Variants in GSK3B observed in about 807,000 individuals in gnomAD.
GSK3B encodes glycogen synthase kinase 3 beta.
A neutral mutation model predicts 56.4 loss-of-function variants in GSK3B; 15 were observed. The ratio of observed to expected loss-of-function variants is 0.27; its 90% confidence interval spans 0.18 to 0.41. GSK3B has a LOEUF of 0.41. Among genes scored for constraint, GSK3B ranks in the 10% least tolerant of loss-of-function variants. GSK3B has a pLI of 1.00. For missense variants in GSK3B, 300 were observed against 513.4 expected, an observed-to-expected ratio of 0.58 and a Z score of 4.02; for synonymous variants, 181 against 188.9, an observed-to-expected ratio of 0.96 and a Z score of 0.34.
chr3:120,083,587 A>T (rs1453156503), intron 1 of GSK3B, among the ~76,000 whole-genome samples: 1 of 152,248 alleles, frequency 6.6e-6, no homozygotes, highest in Admixed American at 6.5e-5. Context: ...TCACTTTGAA[A>T]CAGCTTAATA....
At chr3:119,925,365 G>C (rs1406194183) in intron 3 of GSK3B, among the ~76,000 whole-genome samples, 2 of 152,032 alleles carry the variant, frequency 1.3e-5, no homozygotes, top group African/African-American at 4.8e-5. Context: ...ACACTTTCCT[G>C]GTCCATTCAC....
intron 1 of GSK3B, among the ~76,000 whole-genome samples, chr3:120,028,588 G>C (rs185519810): frequency 2.2e-3 from 329 of 152,302 alleles, no homozygotes; most frequent in Non-Finnish European, 3.4e-3. Flanking sequence ...CCTCTTCTGT[G>C]ATCAGCAAAC....
chr3:119,892,972 T>C (rs2056520019), intron 7 of GSK3B, among the ~76,000 whole-genome samples: 1 of 152,092 alleles, frequency 6.6e-6, no homozygotes, highest in Non-Finnish European at 1.5e-5. Flanking sequence ...TGATATGAAA[T>C]GTCATCTCCT....
intron 2 of GSK3B, among the ~76,000 whole-genome samples, chr3:119,957,301 T>C (rs1027326047): frequency 3.4e-4 from 52 of 152,080 alleles, no homozygotes; most frequent in Non-Finnish European, 1.3e-4. Context: ...ATAGAAACAA[T>C]AAAAAGGACT....
intron 3 of GSK3B, among the ~76,000 whole-genome samples, chr3:119,930,080 TACACACACACACACACACACACAC>T (rs71619762): frequency 2.2e-5 from 3 of 133,562 alleles, no homozygotes; most frequent in African/African-American, 8.7e-5. Context: ...TTCTGTCTCC[TACACACACACACACACACACACAC>T]ACACACACAC....
chr3:120,004,528 A>C (rs1332080382), intron 1 of GSK3B, among the ~76,000 whole-genome samples: 2 of 152,086 alleles, frequency 1.3e-5, no homozygotes, highest in East Asian at 3.9e-4. Flanking sequence ...GCCAACAGAC[A>C]CCTCATACAG....
intron 2 of GSK3B, among the ~76,000 whole-genome samples, chr3:119,996,470 T>C (rs917631953): frequency 3.3e-5 from 5 of 152,354 alleles, no homozygotes; most frequent in Non-Finnish European, 7.3e-5. Flanking sequence ...CACATCCTTT[T>C]ATTTTCAGCC....
chr3:120,018,535 T>TA (rs1440713591), intron 1 of GSK3B, among the ~76,000 whole-genome samples: 2 of 152,210 alleles, frequency 1.3e-5, no homozygotes, highest in Admixed American at 6.5e-5. Flanking sequence ...TGTGTAGTAT[T>TA]AAAAACTATA....
At chr3:119,908,614 G>A (rs564427053) in intron 6 of GSK3B, among the ~76,000 whole-genome samples, 114 of 152,246 alleles carry the variant, frequency 7.5e-4, no homozygotes, top group African/African-American at 2.6e-3. Flanking sequence ...TATATGCCAT[G>A]TACCACAGCC....
At chr3:119,919,447 G>C (rs1325236268) in intron 4 of GSK3B, among the ~76,000 whole-genome samples, 3 of 151,318 alleles carry the variant, frequency 2.0e-5, no homozygotes, top group East Asian at 3.9e-4. Flanking sequence ...TCAGATAAAA[G>C]GGATCGATGT....
At chr3:120,006,114 C>G (rs1002740389) in intron 1 of GSK3B, among the ~76,000 whole-genome samples, 4 of 151,022 alleles carry the variant, frequency 2.6e-5, no homozygotes, top group Admixed American at 1.3e-4. Context: ...AAAAAAAAAT[C>G]CTGGTCTCTG....
intron 10 of GSK3B, among the ~76,000 whole-genome samples, chr3:119,839,650 G>A (rs1407665054): frequency 6.6e-6 from 1 of 152,146 alleles, no homozygotes; most frequent in African/African-American, 2.4e-5. Flanking sequence ...AGTGATGTAA[G>A]GTCATTTTTA....
chr3:120,012,730 C>T (rs2057789867), intron 1 of GSK3B, among the ~76,000 whole-genome samples: 1 of 152,116 alleles, frequency 6.6e-6, no homozygotes, highest in Non-Finnish European at 1.5e-5. Flanking sequence ...AGTGCAATGA[C>T]GTGATCATAG....
At chr3:119,971,971 T>G (rs2057372246) in intron 2 of GSK3B, among the ~76,000 whole-genome samples, 2 of 152,176 alleles carry the variant, frequency 1.3e-5, no homozygotes, top group African/African-American at 4.8e-5. Flanking sequence ...TTAAACTTAT[T>G]TTCTTAACTA....
intron 2 of GSK3B, among the ~76,000 whole-genome samples, chr3:119,972,112 C>A (rs961021545): frequency 2.0e-5 from 3 of 152,154 alleles, no homozygotes; most frequent in African/African-American, 7.2e-5. Context: ...ATGTTTAGTT[C>A]TCTTAGCAAT....
At chr3:119,997,010 A>C (rs1331689537) in intron 2 of GSK3B, among the ~76,000 whole-genome samples, 2 of 152,314 alleles carry the variant, frequency 1.3e-5, no homozygotes, top group South Asian at 4.1e-4. Context: ...AGGGAAAAAA[A>C]CCATAAACCC....
At chr3:119,924,069 A>G (rs1038440442) in intron 3 of GSK3B, among the ~76,000 whole-genome samples, 1 of 152,266 alleles carries the variant, frequency 6.6e-6, no homozygotes, top group African/African-American at 2.4e-5. Flanking sequence ...CTTGTCTTCT[A>G]TAATTAACTG....
At chr3:119,890,224 A>T (rs887380215) in intron 7 of GSK3B, among the ~76,000 whole-genome samples, 3 of 152,132 alleles carry the variant, frequency 2.0e-5, no homozygotes, top group African/African-American at 7.2e-5. Context: ...CCAAAACCCC[A>T]AAACAAGTCA....
intron 1 of GSK3B, among the ~76,000 whole-genome samples, chr3:120,045,581 A>G (rs2058096423): frequency 6.6e-6 from 1 of 152,204 alleles, no homozygotes; most frequent in African/African-American, 2.4e-5. Context: ...GGGGAGTGAC[A>G]CTGAGGTAGG....
Sources: gnomAD v4.1 joint callset for allele counts (sites outside exome capture counted in the v4.1 genomes callset) on GRCh38, gnomAD v4.1.1 for gene constraint, MANE v1.5 for transcripts, NCBI Gene and HGNC (gene_info 2026-07-23, HGNC 2026-07-21) for gene names.